DGKI: variants seen among roughly 807,000 people sequenced by gnomAD.
DGKI encodes the protein diacylglycerol kinase iota.
Under a neutral mutation model 147.5 loss-of-function variants are expected in DGKI, and 55 were observed. The ratio of observed to expected loss-of-function variants is 0.37; its 90% CI spans 0.30 to 0.47. The LOEUF (loss-of-function observed/expected upper bound fraction) is 0.47, where lower values mean the gene tolerates loss of function less well. Ranked by LOEUF, DGKI falls within the 20% of genes least tolerant of loss-of-function variation. The pLI is 1.00. For missense variants in DGKI, 1,007 were observed against 1,323.8 expected (o/e 0.76, Z 3.71); for synonymous variants, 469 against 477.1 (o/e 0.98, Z 0.22).
rs1319042972 is a variant in DGKI at position 137,463,585 on chromosome 7, A to G, written c.2639T>C (p.Leu880Pro). 6.2e-7 allele frequency: 1 copy of G among 1,614,182 alleles called. No homozygotes were observed. The highest frequency in any genetic ancestry group is 2.2e-5 in the East Asian group (1 of 44,878). ...SGISDWWNPALRKRMLSDSGL... is the reference protein window; with the variant it reads ...SGISDWWNPAPRKRMLSDSGL... ...ACTGTCACTCAGCATGCGTTTCCGC[A>G]GGGCAGGATTCCACCAGTCTGAGAT... Residue 880 changes from leucine (L) to proline (P), a missense_variant, in exon 27 of 33, where the codon CTG (leucine) becomes CCG (proline). Physicochemically the swap from Leu to Pro is moderately conservative, Grantham distance 98. Transcript: ENST00000614521.
Position 137,388,710 on chromosome 7 carries a change from T to A in DGKI, c.*2510A>T, listed in dbSNP as rs529712481. On this transcript the variant is annotated 3_prime_UTR_variant, in exon 33 of 33. Coordinates refer to ENST00000614521, the MANE Select transcript of DGKI (RefSeq NM_001321708.2). ...TTAAACATGTGGTTATTCTGCTCACTTTATTTTGGAAATCCCAAGTCCTAG... is the reference window on the plus strand; with the variant it reads ...TTAAACATGTGGTTATTCTGCTCACATTATTTTGGAAATCCCAAGTCCTAG... The A allele has an allele frequency of 5.0e-4, 76 of 152,306 alleles. No individual in the cohort carries two copies. The highest frequency in any genetic ancestry group is 9.1e-4 in the Non-Finnish European group (62 of 68,022). 9.4% of individuals were successfully genotyped at this position (152,306 alleles called of 1,614,324 possible).
At chr7:137,719,306 C>T (rs1794475666) in intron 1 of DGKI, among the ~76,000 whole-genome samples, 1 of 151,974 alleles carries the variant, frequency 6.6e-6, no homozygotes. Context: ...TTGCAACTGT[C>T]TCAACTTTTT....
chr7:137,807,862 C>T (rs1797430222), intron 1 of DGKI, among the ~76,000 whole-genome samples: 1 of 152,174 alleles, frequency 6.6e-6, no homozygotes, highest in Non-Finnish European at 1.5e-5. Context: ...ACCTGCCTGC[C>T]TGTCCCCTTG....
chr7:137,502,808 C>T (rs1816226517), intron 21 of DGKI, among the ~76,000 whole-genome samples: 1 of 152,090 alleles, frequency 6.6e-6, no homozygotes, highest in African/African-American at 2.4e-5. Flanking sequence ...TTCCTACTTT[C>T]CATTGAACTT....
intron 1 of DGKI, among the ~76,000 whole-genome samples, chr7:137,747,103 G>A (rs7799171): frequency 0.015 from 2,248 of 152,188 alleles, 60 homozygotes; most frequent in African/African-American, 0.051. Context: ...TAAAAAAAGT[G>A]TAATCCTATT....
At position 137,466,923 on chromosome 7, in the gene DGKI, A is replaced by G; in HGVS notation, c.2463T>C (p.Phe821=). ...TTACCTGAGATCTGTCTATTCGATA[A>G]AAGCGATCAGCAGAAGTTGCTAGGG... is the stretch of plus-strand genomic sequence containing the variant. ...CFLDATSADR[F]YRIDRSQEHL... Residue 821 remains phenylalanine, a synonymous_variant, in exon 25 of 33, where the codon TTT becomes TTC. Coordinates refer to ENST00000614521, the MANE Select transcript of DGKI (RefSeq NM_001321708.2). The G allele has an allele frequency of 6.2e-7, 1 of 1,614,186 alleles. No homozygotes were observed. The highest frequency in any genetic ancestry group is 8.5e-7 in the Non-Finnish European group (1 of 1,180,024).
chr7:137,846,941 C>A lies in DGKI; in HGVS notation c.-79G>T. ...CCGGCCAATCAGAGGCCGCCGCTCC[C>A]CGCCTCCCGCGCCCTCCCGCGCCGG... On this transcript the variant is annotated 5_prime_UTR_variant, in exon 1 of 33. Coordinates refer to ENST00000614521, the MANE Select transcript of DGKI (RefSeq NM_001321708.2). This position sits in a 1 kb window ranked among gnomAD's most constrained non-coding sequence, Gnocchi z 4.0. 1 of 1,016,734 alleles carries A rather than the reference C, an allele frequency of 9.8e-7. No homozygotes were observed. The allele number at this position is 1,016,734 out of a possible 1,614,324, so 63.0% of individuals were successfully genotyped here.
intron 19 of DGKI, among the ~76,000 whole-genome samples, chr7:137,562,978 C>T (rs1006462750): frequency 1.3e-5 from 2 of 152,024 alleles, no homozygotes; most frequent in Non-Finnish European, 2.9e-5. Flanking sequence ...ATTTATTTAT[C>T]GCTCTCCCTC....
At chr7:137,417,170 C>G (rs1258873376) in intron 28 of DGKI, among the ~76,000 whole-genome samples, 1 of 152,158 alleles carries the variant, frequency 6.6e-6, no homozygotes, top group Non-Finnish European at 1.5e-5. Context: ...TTGCCTTTCT[C>G]AAAACTCCTT....
intron 1 of DGKI, among the ~76,000 whole-genome samples, chr7:137,749,482 T>C (rs1196577703): frequency 3.9e-5 from 6 of 152,192 alleles, no homozygotes; most frequent in Non-Finnish European, 8.8e-5. Context: ...ATCTATGGCA[T>C]TCTTGGCTTT....
rs575853077 is a variant in DGKI, at chr7:137,558,345, T to C, written c.1948-5777A>G. On this transcript the variant is annotated intron_variant, in intron 19 of 32. Coordinates refer to ENST00000614521, the MANE Select transcript of DGKI (RefSeq NM_001321708.2). ...CCCAGGCTGGAGTGCAGTGGCACGA[T>C]CTCGGCTGACTGCAACCTCTGCCTC... is the stretch of plus-strand genomic sequence containing the variant. Among the ~76,000 whole-genome samples, 14 of 152,348 alleles carry C rather than the reference T, an allele frequency of 9.2e-5. No individual in the cohort carries two copies. The South Asian group carries it at 2.9e-3, about 32-fold the overall frequency.
At chr7:137,807,213 T>C (rs1041176601) in intron 1 of DGKI, among the ~76,000 whole-genome samples, 3 of 152,370 alleles carry the variant, frequency 2.0e-5, no homozygotes, top group African/African-American at 4.8e-5. Flanking sequence ...ACTTCTTTAC[T>C]GGTTTTCAAA....
chr7:137,400,042 G>A (rs1207453291), intron 30 of DGKI, among the ~76,000 whole-genome samples: 1 of 152,162 alleles, frequency 6.6e-6, no homozygotes, highest in African/African-American at 2.4e-5. Flanking sequence ...TGATACAGCA[G>A]GTCACACTAC....
chr7:137,600,550 A>G (rs1057145662), intron 10 of DGKI, among the ~76,000 whole-genome samples: 2 of 152,320 alleles, frequency 1.3e-5, no homozygotes, highest in South Asian at 4.1e-4. Flanking sequence ...GTAAGCCCTT[A>G]ATGAATAATA....
rs559320944 is a variant in DGKI, at chr7:137,546,451, T to G, written c.2147+5918A>C. On this transcript the variant is annotated intron_variant, in intron 20 of 32. Transcript: ENST00000614521. ...TATAGGAACACTCACCAAAAGACAA[T>G]CATCTTAAAAAGAGTGTCTCAACCA... Among the ~76,000 whole-genome samples the G allele has an allele frequency of 2.0e-5, 3 of 152,152 alleles. No individual in the cohort carries two copies. The East Asian group carries it at 5.8e-4, about 29-fold the overall frequency.
rs374088555 is a variant in DGKI, at chr7:137,556,658, A to G, written c.1948-4090T>C. Among the ~76,000 whole-genome samples the G allele has an allele frequency of 5.9e-5, 9 of 152,348 alleles. No homozygotes were observed. In the East Asian group the frequency reaches 1.5e-3, roughly 26 times the overall value. ...CAGAAAACTTTAAAACTTTATTGAA[A>G]GATGTAAGGGAAGACTTAAGTAAAT... On this transcript the variant is annotated intron_variant, in intron 19 of 32. Transcript: ENST00000614521.
At chr7:137,569,949 A>C (rs556831448) in intron 19 of DGKI, among the ~76,000 whole-genome samples, 1 of 152,086 alleles carries the variant, frequency 6.6e-6, no homozygotes, top group South Asian at 2.1e-4. Flanking sequence ...TTTATTCTAG[A>C]GATGAGTTAA....
chr7:137,471,227 G>C (rs186451491), intron 23 of DGKI, among the ~76,000 whole-genome samples: 18 of 152,260 alleles, frequency 1.2e-4, no homozygotes, highest in Admixed American at 9.8e-4. Context: ...CTGTGGGGAA[G>C]ACACTGGGAG....
intron 1 of DGKI, among the ~76,000 whole-genome samples, chr7:137,726,376 C>T (rs972850352): frequency 2.0e-5 from 3 of 152,190 alleles, no homozygotes; most frequent in African/African-American, 7.2e-5. Flanking sequence ...CCACTTTTCC[C>T]TTCCAATCCA....
Sources: gnomAD v4.1 joint callset for allele counts (sites outside exome capture counted in the v4.1 genomes callset) on GRCh38, gnomAD v4.1.1 for gene constraint, Gnocchi (gnomAD v3.1) non-coding constraint, MANE v1.5 for transcripts, NCBI Gene and HGNC (gene_info 2026-07-23, HGNC 2026-07-21) for gene names.